ADAMTS13: variants seen among roughly 807,000 people sequenced by gnomAD.
ADAMTS13 encodes ADAM metallopeptidase with thrombospondin type 1 motif 13.
In ADAMTS13, 110 loss-of-function variants were observed where a neutral mutation model predicts 155.1. The observed-to-expected ratio is 0.71, with a 90% CI of 0.61 to 0.83. ADAMTS13 has a LOEUF of 0.83. ADAMTS13 is among the 40% of genes least tolerant of loss of function. The pLI is 0.00. For missense variants in ADAMTS13, 1,707 were observed against 1,891.7 expected, an observed-to-expected ratio of 0.90 and a Z score of 1.81; for synonymous variants, 758 against 756.4, an observed-to-expected ratio of 1.00 and a Z score of -0.03.
At chr9:133,421,520 C>A (rs1839955641), upstream of ADAMTS13, among the ~76,000 whole-genome samples, 1 of 152,216 alleles carries the variant, frequency 6.6e-6, no homozygotes, top group Non-Finnish European at 1.5e-5. Context: ...TGGCTCTCTT[C>A]CCTAGAATTT....
chr9:133,414,846 A>T (rs1554781207), intron 1 of ADAMTS13: 1 of 1,614,108 alleles, frequency 6.2e-7, no homozygotes, highest in Admixed American at 1.7e-5. Context: ...GAAGGAACAG[A>T]GCCCCTGCTG....
At chr9:133,443,710 T>G (rs1588185458) in intron 19 of ADAMTS13, 149 bp downstream of exon 19, 1 of 880,002 alleles carries the variant, frequency 1.1e-6, no homozygotes, top group Non-Finnish European at 1.7e-6. Context: ...CACCTGGCGG[T>G]TGTAAGTGCT....
At chr9:133,434,916 C>T (rs752113057) in intron 11 of ADAMTS13, among the ~76,000 whole-genome samples, 16 of 152,176 alleles carry the variant, frequency 1.1e-4, no homozygotes, top group Admixed American at 9.2e-4. Context: ...CCTCCCCCAG[C>T]GGCACGTCCC....
In ADAMTS13 at chr9:133,456,390, T is replaced by C. The variant is rs1376027539; in HGVS notation, c.3548-153T>C. Among the ~76,000 whole-genome samples, 5 of 152,310 alleles carry C rather than the reference T, an allele frequency of 3.3e-5. No individual in the cohort carries two copies. The East Asian group carries it at 9.6e-4, about 29-fold the overall frequency. On this transcript the variant is annotated intron_variant, in intron 26 of 28. Transcript: ENST00000355699. The surrounding 1 kb of genome is among the most constrained non-coding windows in gnomAD (Gnocchi z 4.4). ...ATTTTACAGATGAGGAAACTGAGGC[T>C]AGGAGAGATTAAGTGATGTGCCCAG...
chr9:133,418,727 C>T (rs782381899), upstream of ADAMTS13, among the ~76,000 whole-genome samples: 1 of 152,234 alleles, frequency 6.6e-6, no homozygotes, highest in Non-Finnish European at 1.5e-5. Context: ...GGGATTTTCA[C>T]AATGCTTTTC....
chr9:133,444,447 C>T (rs1333390436), intron 19 of ADAMTS13, among the ~76,000 whole-genome samples: 1 of 152,108 alleles, frequency 6.6e-6, no homozygotes, highest in African/African-American at 2.4e-5. Context: ...CCTGCCTCAG[C>T]AAGTGTGCGC....
At position 133,445,913 on chromosome 9, in the gene ADAMTS13, G is replaced by T. The variant is rs190185591; in HGVS notation, c.2731+94G>T. ...CTCGTTCTGAAAAGCATTTGAGGTG[G>T]ATTGCAGAAAATCCAGACTATATGG... On this transcript the variant is annotated intron_variant, in intron 21 of 28. Coordinates refer to ENST00000355699, the MANE Select transcript of ADAMTS13 (RefSeq NM_139027.6). The surrounding 1 kb of genome is among the most constrained non-coding windows in gnomAD (Gnocchi z 5.0). 2.0e-6 allele frequency: 3 copies of T among 1,484,880 alleles called. No homozygotes were observed. The East Asian group carries it at 7.0e-5, about 35-fold the overall frequency. 92.0% of individuals were successfully genotyped at this position (1,484,880 alleles called of 1,614,324 possible).
rs587698063 is a variant in ADAMTS13 at position 133,441,697 on chromosome 9, C to T, written c.1969-702C>T. Reference sequence around the variant, plus strand: ...TGCTGAAGTTCTTCCTAGTGCTCTCCGGGCCAGTCCCAAGCCAGTAGCTGG... The same window carrying T: ...TGCTGAAGTTCTTCCTAGTGCTCTCTGGGCCAGTCCCAAGCCAGTAGCTGG... On this transcript the variant is annotated intron_variant, in intron 16 of 28. Transcript: ENST00000355699. The surrounding 1 kb of genome is among the most constrained non-coding windows in gnomAD (Gnocchi z 5.0). Among the ~76,000 whole-genome samples, 7 of 152,310 alleles carry T rather than the reference C, an allele frequency of 4.6e-5. No homozygotes were observed. The highest frequency in any genetic ancestry group is 2.1e-4 in the South Asian group (1 of 4,824).
Position 133,459,268 on chromosome 9 carries a change from C to T in ADAMTS13, c.*88C>T. The stretch of plus-strand genomic sequence containing the variant: ...CTTTCCAATTCGAACTTTTTCCAAT[C>T]TTAGGTATCTACTTTAGAGTCTTCT... On this transcript the variant is annotated 3_prime_UTR_variant, in exon 29 of 29. Transcript: ENST00000355699. 7.7e-7 allele frequency: 1 copy of T among 1,305,904 alleles called. No individual in the cohort carries two copies. Among genetic ancestry groups the T allele is most frequent in the Non-Finnish European group, 1.1e-6 (1 of 927,810 alleles). 80.9% of individuals were successfully genotyped at this position (1,305,904 alleles called of 1,614,324 possible). A position where few individuals can be genotyped will look rare whatever the true frequency, so the allele number is the denominator to read the frequency against.
intron 9 of ADAMTS13, among the ~76,000 whole-genome samples, chr9:133,432,922 G>A (rs1840876856): frequency 6.6e-6 from 1 of 152,026 alleles, no homozygotes; most frequent in East Asian, 1.9e-4. Flanking sequence ...GTGCCCATGG[G>A]TGTGGGGTTC....
Position 133,424,391 on chromosome 9 carries a change from C to A in ADAMTS13, c.243C>A (p.His81Gln). ...GGCGGGCTGCAGGCGGCATCCTACA[C>A]CTGGAGCTGCTGGTGGCCGTGGGCC... ...RQRRAAGGIL[H>Q]LELLVAVGPD... is the part of the protein sequence containing the mutation. The change falls in exon 3 of 29, where the codon CAC (histidine) becomes CAA (glutamine). Residue 81 changes from histidine (H) to glutamine (Q), a missense_variant. His to Gln is a conservative substitution (Grantham distance 24). This residue lies in a region of ADAMTS13 where 733 missense variants were observed against 749.6 expected (regional missense o/e 0.98). Coordinates refer to ENST00000355699, the MANE Select transcript of ADAMTS13 (RefSeq NM_139027.6). The surrounding 1 kb of genome is among the most constrained non-coding windows in gnomAD (Gnocchi z 4.3). The A allele has an allele frequency of 6.2e-7, 1 of 1,613,694 alleles. No homozygotes were observed. Among genetic ancestry groups the A allele is most frequent in the African/African-American group, 1.3e-5 (1 of 75,026 alleles).
chr9:133,443,470 C>T lies in ADAMTS13; in HGVS notation c.2329C>T (p.Leu777=), dbSNP rs1554791534. ...CTGCGTGGAGGCCCAGGGCAGCCTC[C>T]TGAAGACATTGCCCCCAGCCCGGTG... ...VRCVEAQGSL[L]KTLPPARCRA... The change falls in exon 19 of 29, where the codon CTG becomes TTG. Residue 777 remains leucine (L), a synonymous_variant. Transcript: ENST00000355699. The T allele has an allele frequency of 1.3e-6, 2 of 1,591,984 alleles. No individual in the cohort carries two copies. The highest frequency in any genetic ancestry group is 1.3e-5 in the African/African-American group (1 of 74,732).
chr9:133,456,229 C>T lies in ADAMTS13; in HGVS notation c.3547+14C>T. 1 of 1,613,308 alleles carries T rather than the reference C, an allele frequency of 6.2e-7. No individual in the cohort carries two copies. Among genetic ancestry groups the T allele is most frequent in the South Asian group, 1.1e-5 (1 of 91,076 alleles). ...ACTGCAGTGCGGGTATGTCTAGGGCCATGCAAGCGATGCTGCCAGTTATGG... is the reference window on the plus strand; with the variant it reads ...ACTGCAGTGCGGGTATGTCTAGGGCTATGCAAGCGATGCTGCCAGTTATGG... On this transcript the variant is annotated intron_variant, in intron 26 of 28. Transcript: ENST00000355699. The surrounding 1 kb of genome is among the most constrained non-coding windows in gnomAD (Gnocchi z 4.4).
In ADAMTS13 at chr9:133,456,932, CG is replaced by C. The variant is rs1420082704; in HGVS notation, c.3724+214del. On this transcript the variant is annotated intron_variant, in intron 27 of 28. Coordinates refer to ENST00000355699, the MANE Select transcript of ADAMTS13 (RefSeq NM_139027.6). The surrounding 1 kb of genome is among the most constrained non-coding windows in gnomAD (Gnocchi z 4.4). ...ATGCTATATCCCTCCTTTTTGGGAC[CG>C]TGCAGCAAGATGGACGGATGTGGGA... The C allele has an allele frequency of 1.4e-6, 1 of 707,120 alleles. No homozygotes were observed. Among genetic ancestry groups the C allele is most frequent in the Non-Finnish European group, 2.5e-6 (1 of 394,114 alleles). 43.8% of individuals were successfully genotyped at this position (707,120 alleles called of 1,614,324 possible). A position where few individuals can be genotyped will look rare whatever the true frequency, so the allele number is the denominator to read the frequency against.
intron 27 of ADAMTS13, chr9:133,457,150 G>A: frequency 3.7e-6 from 1 of 267,788 alleles, no homozygotes; most frequent in South Asian, 3.6e-5. Context: ...CTCAGGCAGA[G>A]GATGCCACCT....
In ADAMTS13 at chr9:133,424,222, G is replaced by T; in HGVS notation, c.173-99G>T. Reference sequence around the variant, plus strand: ...GGTGACACGCAATGTCTTGACTTCGGAAGGCCATCCTTCCAAGACCTGCCA... The same window carrying T: ...GGTGACACGCAATGTCTTGACTTCGTAAGGCCATCCTTCCAAGACCTGCCA... On this transcript the variant is annotated intron_variant, in intron 2 of 28. Transcript: ENST00000355699. This position sits in a 1 kb window ranked among gnomAD's most constrained non-coding sequence, Gnocchi z 4.3. 6.3e-7 allele frequency: 1 copy of T among 1,576,314 alleles called. No individual in the cohort carries two copies. The highest frequency in any genetic ancestry group is 8.6e-7 in the Non-Finnish European group (1 of 1,160,370).
intron 15 of ADAMTS13, among the ~76,000 whole-genome samples, 193 bp downstream of exon 15, chr9:133,439,639 A>G (rs1554790128): frequency 6.6e-6 from 1 of 152,252 alleles, no homozygotes; most frequent in African/African-American, 2.4e-5. Flanking sequence ...GGCTCCTTCC[A>G]GAAGAACACA....
rs782254917 is a variant in ADAMTS13 at position 133,430,175 on chromosome 9, G to T, written c.987+74G>T. The T allele has an allele frequency of 3.9e-6, 6 of 1,531,274 alleles. No individual in the cohort carries two copies. In the South Asian group the frequency reaches 5.9e-5, roughly 15 times the overall value. The allele number at this position is 1,531,274 out of a possible 1,614,324, so 94.9% of individuals were successfully genotyped here. The stretch of plus-strand genomic sequence containing the variant: ...TCACCCAGCTCACGTCCCCCAAAAC[G>T]TGCATGGTGAGAACCTGCTGGGTGC... On this transcript the variant is annotated intron_variant, in intron 8 of 28. Transcript: ENST00000355699.
At chr9:133,429,779 G>C in intron 7 of ADAMTS13, 160 bp from the exon 8 acceptor site, 1 of 1,002,726 alleles carries the variant, frequency 1.0e-6, no homozygotes, top group Non-Finnish European at 1.5e-6. Context: ...TCCCAGCCAA[G>C]AGCCGGCTCC....
Sources: gnomAD v4.1 joint callset for allele counts (sites outside exome capture counted in the v4.1 genomes callset) on GRCh38, gnomAD v4.1.1 for gene constraint, gnomAD v4.1.1 regional missense constraint, Gnocchi (gnomAD v3.1) non-coding constraint, MANE v1.5 for transcripts, NCBI Gene and HGNC (gene_info 2026-07-23, HGNC 2026-07-21) for gene names.